The following TBX1 variants were observed in gnomAD, a reference collection of about 807,000 sequenced individuals.
TBX1 encodes the protein T-box transcription factor TBX1.
In TBX1, 16 loss-of-function variants were observed where a neutral mutation model predicts 40.8. That is an observed-to-expected ratio of 0.39 (90% CI 0.27 to 0.60). TBX1 has a LOEUF of 0.60. TBX1 is among the 20% of genes least tolerant of loss of function. The pLI is 0.51. For synonymous variants in TBX1, 403 were observed against 336.8 expected, an observed-to-expected ratio of 1.20 and a Z score of -2.15; for missense variants, 755 against 728.5, an observed-to-expected ratio of 1.04 and a Z score of -0.42.
chr22:19,768,953 C>CTTTTTTTTTTTTTTTTTTTTTTTTT (rs36085623), downstream of TBX1, among the ~76,000 whole-genome samples: 24 of 66,128 alleles, frequency 3.6e-4, 4 homozygotes, highest in East Asian at 5.6e-4. Context: ...TGTTCGCATT[C>CTTTTTTTTTTTTTTTTTTTTTTTTT]TTTTTTTTTT....
At chr22:19,759,482 C>T, upstream of TBX1, 1 of 1,445,580 alleles carries the variant, frequency 6.9e-7, no homozygotes, top group Admixed American at 2.7e-5. Context: ...CCGGCCAGGC[C>T]GCCGGGCGCC....
downstream of TBX1, among the ~76,000 whole-genome samples, chr22:19,781,375 G>T (rs1205732646): frequency 6.6e-6 from 1 of 152,090 alleles, no homozygotes; most frequent in East Asian, 1.9e-4. Context: ...CACCCAGGAT[G>T]GCCCATTTTT....
downstream of TBX1, among the ~76,000 whole-genome samples, chr22:19,768,377 G>A (rs2145842096): frequency 6.6e-6 from 1 of 152,310 alleles, no homozygotes; most frequent in Middle Eastern, 3.4e-3. Context: ...AGTGAGTGGG[G>A]TCTTAGTAAT....
At chr22:19,763,879 C>A (rs1289728234) in intron 2 of TBX1, among the ~76,000 whole-genome samples, 1 of 152,188 alleles carries the variant, frequency 6.6e-6, no homozygotes, top group Non-Finnish European at 1.5e-5. Context: ...GGAGGACCCG[C>A]ATCCAGCGAA....
intron 8 of TBX1, among the ~76,000 whole-genome samples, chr22:19,777,908 C>T (rs1937092218): frequency 1.3e-5 from 2 of 151,850 alleles, no homozygotes; most frequent in African/African-American, 4.8e-5. Context: ...CACAGGCACG[C>T]ACCACCATGC....
chr22:19,757,545 G>A (rs1429108836), upstream of TBX1, among the ~76,000 whole-genome samples: 2 of 152,210 alleles, frequency 1.3e-5, no homozygotes, highest in Non-Finnish European at 2.9e-5. Flanking sequence ...CCCTCAGGCT[G>A]GGGCACATGC....
chr22:19,783,168 T>C, downstream of TBX1: 3 of 682,146 alleles, frequency 4.4e-6, no homozygotes, highest in Non-Finnish European at 8.1e-6. Context: ...CAGCCCAGCC[T>C]CTCCTAAATT....
chr22:19,778,095 T>C (rs1937094412), intron 8 of TBX1, among the ~76,000 whole-genome samples: 1 of 151,796 alleles, frequency 6.6e-6, no homozygotes, highest in South Asian at 2.1e-4. Flanking sequence ...AACAGCACAT[T>C]CCTGCTCATT....
upstream of TBX1, among the ~76,000 whole-genome samples, chr22:19,759,254 G>C (rs1936560659): frequency 6.6e-6 from 1 of 152,242 alleles, no homozygotes; most frequent in Admixed American, 6.5e-5. Flanking sequence ...GAAGGGGGCA[G>C]GGAGCTTGGA....
At chr22:19,761,346 C>T (rs1936655301) in intron 1 of TBX1, 66 bp downstream of exon 1, 1 of 1,452,900 alleles carries the variant, frequency 6.9e-7, no homozygotes, top group Non-Finnish European at 9.2e-7. Flanking sequence ...CGGGCCTCCG[C>T]CTGATCCGCG....
At chr22:19,763,978 G>C (rs1936751623) in intron 2 of TBX1, among the ~76,000 whole-genome samples, 177 bp from the exon 3 acceptor site, 1 of 152,204 alleles carries the variant, frequency 6.6e-6, no homozygotes, top group African/African-American at 2.4e-5. Context: ...GTGGGTGGGA[G>C]TTCTCTGTTT....
At chr22:19,765,665 T>C in intron 4 of TBX1, 93 bp from the exon 5 acceptor site, 2 of 1,409,946 alleles carry the variant, frequency 1.4e-6, no homozygotes, top group Non-Finnish European at 9.8e-7. Context: ...AGGCCCTTGG[T>C]GCGCTTCTCC....
intron 6 of TBX1, 129 bp from the exon 7 acceptor site, chr22:19,766,260 G>C: frequency 8.5e-7 from 1 of 1,171,780 alleles, no homozygotes; most frequent in Non-Finnish European, 1.1e-6. Context: ...TCTCGGGCAC[G>C]CTGGCACCGA....
At chr22:19,778,403 T>C (rs1332409386) in intron 8 of TBX1, among the ~76,000 whole-genome samples, 2 of 151,700 alleles carry the variant, frequency 1.3e-5, no homozygotes, top group Non-Finnish European at 2.9e-5. Flanking sequence ...ACCTGGCCAT[T>C]GCTCCTTATT....
intron 1 of TBX1, 146 bp from the exon 2 acceptor site, chr22:19,763,095 G>A (rs1936719609): frequency 1.4e-6 from 1 of 707,694 alleles, no homozygotes. Context: ...AGCTAAGCCA[G>A]GAAAGATGGA....
chr22:19,761,375 G>A lies in TBX1; in HGVS notation c.437+95G>A, dbSNP rs1016188266. 178 of 1,307,310 alleles carry A rather than the reference G, an allele frequency of 1.4e-4. No homozygotes were observed. In the Middle Eastern group the frequency reaches 3.7e-3, roughly 27 times the overall value. The allele number at this position is 1,307,310 out of a possible 1,614,324, so 81.0% of individuals were successfully genotyped here. A position where few individuals can be genotyped will look rare whatever the true frequency, so the allele number is the denominator to read the frequency against. On this transcript the variant is annotated intron_variant, in intron 1 of 6. Coordinates refer to ENST00000649276, the MANE Select transcript of TBX1 (RefSeq NM_001379200.1). Reference sequence around the variant, plus strand: ...ATCCGCGCGAGCGGGGCCGAAAGCCGGGTCGGGGGCGCGGCCTGGCCACCT... The same window carrying A: ...ATCCGCGCGAGCGGGGCCGAAAGCCAGGTCGGGGGCGCGGCCTGGCCACCT...
chr22:19,769,342 C>CG (rs1266532829), downstream of TBX1, among the ~76,000 whole-genome samples: 1 of 152,224 alleles, frequency 6.6e-6, no homozygotes, highest in African/African-American at 2.4e-5. Flanking sequence ...TCACAGGCCG[C>CG]GGGTCACCAC....
chr22:19,759,429 G>C, upstream of TBX1: 1 of 1,358,898 alleles, frequency 7.4e-7, no homozygotes, highest in South Asian at 1.7e-5. Flanking sequence ...GGCTGGGCTG[G>C]GCTGGGCGCG....
chr22:19,761,444 C>G (rs72646955), intron 1 of TBX1, among the ~76,000 whole-genome samples, 164 bp downstream of exon 1: 6 of 151,730 alleles, frequency 4.0e-5, no homozygotes. Context: ...TGTTCGCCGT[C>G]CCGGCTCCGG....
Sources: gnomAD v4.1 joint callset for allele counts (sites outside exome capture counted in the v4.1 genomes callset) on GRCh38, gnomAD v4.1.1 for gene constraint, MANE v1.5 for transcripts, NCBI Gene and HGNC (gene_info 2026-07-23, HGNC 2026-07-21) for gene names.